Variants in NEDD9 observed in about 807,000 individuals in gnomAD.
NEDD9 encodes neural precursor cell expressed, developmentally down-regulated 9.
NEDD9 carries 26 observed loss-of-function variants against 76.6 expected under a neutral mutation model. That is an observed-to-expected ratio of 0.34 (90% CI 0.25 to 0.47). The LOEUF is 0.47. Ranked by LOEUF, NEDD9 falls within the 20% of genes least tolerant of loss-of-function variation. The pLI is 1.00. For missense variants in NEDD9, 937 were observed against 1,058.5 expected (o/e 0.89, Z 1.59); for synonymous variants, 392 against 414.2 (o/e 0.95, Z 0.65).
chr6:11,291,054 G>A, intron 3 of NEDD9, among the ~76,000 whole-genome samples: 1 of 152,090 alleles, frequency 6.6e-6, no homozygotes, highest in East Asian at 1.9e-4. Context: ...TGGAGCCCAT[G>A]ATGGAAGAGA....
At chr6:11,332,580 A>G (rs1210263352) in intron 2 of NEDD9, among the ~76,000 whole-genome samples, 1 of 152,180 alleles carries the variant, frequency 6.6e-6, no homozygotes, top group East Asian at 1.9e-4. Context: ...AACCATCCTA[A>G]GCAGCTCTTG....
intron 2 of NEDD9, among the ~76,000 whole-genome samples, chr6:11,321,330 A>G (rs1456399743): frequency 6.6e-6 from 1 of 152,230 alleles, no homozygotes; most frequent in African/African-American, 2.4e-5. Context: ...AGGATGACGT[A>G]GTCATGACTC....
At chr6:11,376,865 G>A (rs1392166176) in intron 1 of NEDD9, among the ~76,000 whole-genome samples, 5 of 152,220 alleles carry the variant, frequency 3.3e-5, no homozygotes, top group Admixed American at 1.3e-4. Flanking sequence ...AGGCCCAGAG[G>A]CTTAGGAGAA....
Position 11,332,913 on chromosome 6 carries a change from C to G in NEDD9, c.-153+1588G>C, listed in dbSNP as rs563586274. Among the ~76,000 whole-genome samples the G allele has an allele frequency of 1.7e-3, 254 of 152,232 alleles. 1 individual carries two copies. Among genetic ancestry groups the G allele is most frequent in the African/African-American group, 5.8e-3 (242 of 41,526 alleles). ...CAGCAAAATAAATGCTGCATAGAAG[C>G]GGTTAATAGTCCCCCTTATGTCAGC... On this transcript the variant is annotated intron_variant, in intron 2 of 3. Coordinates refer to the NEDD9 transcript ENST00000397378.
At chr6:11,187,371 T>C (rs1170491780) in intron 6 of NEDD9, among the ~76,000 whole-genome samples, 1 of 152,238 alleles carries the variant, frequency 6.6e-6, no homozygotes, top group Admixed American at 6.5e-5. Context: ...TTATCTCCCC[T>C]ACTCATACCC....
chr6:11,265,608 G>C (rs746624819), intron 3 of NEDD9, among the ~76,000 whole-genome samples: 1 of 152,162 alleles, frequency 6.6e-6, no homozygotes, highest in Non-Finnish European at 1.5e-5. Flanking sequence ...AGAAGAAAAG[G>C]CAATTCTTTT....
intron 3 of NEDD9, among the ~76,000 whole-genome samples, chr6:11,259,895 A>G (rs1204898074): frequency 6.7e-6 from 1 of 149,274 alleles, no homozygotes; most frequent in Non-Finnish European, 1.5e-5. Context: ...GGTTGTCTGC[A>G]TGGTATGGTA....
intron 1 of NEDD9, among the ~76,000 whole-genome samples, chr6:11,346,503 G>A (rs1431101692): frequency 4.7e-5 from 7 of 148,334 alleles, no homozygotes; most frequent in Non-Finnish European, 1.0e-4. Flanking sequence ...TGAGTGGAAA[G>A]CCCTCTCTTT....
intron 1 of NEDD9, among the ~76,000 whole-genome samples, chr6:11,362,896 C>G (rs1485219946): frequency 6.6e-6 from 1 of 152,190 alleles, no homozygotes; most frequent in Non-Finnish European, 1.5e-5. Flanking sequence ...GGACAGATGT[C>G]TAACAACTAA....
Position 11,184,983 on chromosome 6 carries a change from A to T in NEDD9, c.*179T>A, listed in dbSNP as rs1757939427. The T allele has an allele frequency of 1.3e-5, 10 of 786,948 alleles. No homozygotes were observed. The South Asian group carries it at 2.0e-4, about 16-fold the overall frequency. The allele number at this position is 786,948 out of a possible 1,614,324, so 48.7% of individuals were successfully genotyped here. ...CATAAGAACCACTCAGGGGGAAAAA[A>T]AAAGATTTCCCTCTCCAGCTCCCTG... On this transcript the variant is annotated 3_prime_UTR_variant, in exon 7 of 7. Coordinates refer to ENST00000379446, the MANE Select transcript of NEDD9 (RefSeq NM_006403.4).
intron 5 of NEDD9, among the ~76,000 whole-genome samples, chr6:11,188,869 A>C (rs1467496262): frequency 6.6e-6 from 1 of 152,158 alleles, no homozygotes; most frequent in African/African-American, 2.4e-5. Context: ...TTCTCAGTAT[A>C]ATCTGTGACT....
intron 3 of NEDD9, among the ~76,000 whole-genome samples, chr6:11,256,287 A>G (rs1015145055): frequency 6.6e-6 from 1 of 152,114 alleles, no homozygotes; most frequent in African/African-American, 2.4e-5. Flanking sequence ...TCCCGGCGAG[A>G]CCTTCTCCCA....
rs140605855 is a variant in NEDD9, at chr6:11,314,291, C to A, written c.-152-8136G>T. On this transcript the variant is annotated intron_variant, in intron 2 of 3. Coordinates refer to the NEDD9 transcript ENST00000397378. The stretch of plus-strand genomic sequence containing the variant: ...CTCAGCACCTGGTGCATAGTAAGTG[C>A]TCAGTAAAATTTGGCTTTAAATGAG... Among the ~76,000 whole-genome samples the A allele has an allele frequency of 1.8e-3, 277 of 152,240 alleles. 7 individuals carry two copies. In the East Asian group the frequency reaches 0.05, roughly 28 times the overall value.
chr6:11,278,455 T>G (rs1429758768), intron 3 of NEDD9, among the ~76,000 whole-genome samples: 6 of 152,186 alleles, frequency 3.9e-5, no homozygotes, highest in Non-Finnish European at 8.8e-5. Flanking sequence ...AATTGAGCTC[T>G]AGACCCCAAA....
intron 1 of NEDD9, among the ~76,000 whole-genome samples, chr6:11,225,776 C>T (rs190702962): frequency 0.01 from 1,560 of 149,560 alleles, 26 homozygotes; most frequent in African/African-American, 0.036. Flanking sequence ...GCTGGGATTA[C>T]AGGTGTGAGC....
At chr6:11,297,911 C>CTTTTTTTTTTCTTTTCTT (rs1760938631) in intron 3 of NEDD9, among the ~76,000 whole-genome samples, 1 of 140,632 alleles carries the variant, frequency 7.1e-6, no homozygotes, top group Non-Finnish European at 1.5e-5. Flanking sequence ...TTTTTCTTTT[C>CTTTTTTTTTTCTTTTCTT]TTTTTTTTTT....
At chr6:11,296,677 TTC>T (rs750110023) in intron 3 of NEDD9, among the ~76,000 whole-genome samples, 1,785 of 63,872 alleles carry the variant, frequency 0.028, 15 homozygotes, top group African/African-American at 0.063. Flanking sequence ...TTCCTTTCCT[TTC>T]CCTTCCTTCC....
chr6:11,277,501 T>G (rs1760441770), intron 3 of NEDD9, among the ~76,000 whole-genome samples: 1 of 152,142 alleles, frequency 6.6e-6, no homozygotes, highest in Non-Finnish European at 1.5e-5. Context: ...CTAGGAGGTC[T>G]GAGTTCTGAC....
At chr6:11,326,044 G>A (rs1761919324) in intron 2 of NEDD9, among the ~76,000 whole-genome samples, 1 of 151,818 alleles carries the variant, frequency 6.6e-6, no homozygotes, top group African/African-American at 2.4e-5. Context: ...TACTTGGGAG[G>A]TTGAGGCAGG....
Sources: allele counts gnomAD v4.1 joint callset (sites outside exome capture counted in the v4.1 genomes callset), GRCh38; gene constraint gnomAD v4.1.1; transcripts MANE v1.5; gene names NCBI Gene and HGNC (gene_info 2026-07-23, HGNC 2026-07-21).